The following ZNF217 variants were observed in gnomAD, a reference collection of about 807,000 sequenced individuals.
ZNF217 encodes zinc finger protein 217.
A neutral mutation model predicts 73.3 loss-of-function variants in ZNF217; 12 were observed. The observed-to-expected ratio is 0.16, with a 90% CI of 0.10 to 0.27. ZNF217 has a LOEUF of 0.27. Among genes scored for constraint, ZNF217 ranks in the 10% least tolerant of loss-of-function variants. The pLI is 1.00. For synonymous variants in ZNF217, 588 were observed against 516.4 expected (o/e 1.14, Z -1.88); for missense variants, 1,195 against 1,327.8 (o/e 0.90, Z 1.55).
rs1371665499 is a variant in ZNF217 at position 53,567,822 on chromosome 20, T to C, written c.*1466A>G. On this transcript the variant is annotated 3_prime_UTR_variant, in exon 6 of 6. Coordinates refer to ENST00000371471, the MANE Select transcript of ZNF217 (RefSeq NM_006526.3). Reference sequence around the variant, plus strand: ...CTTCTATCAAGGAGGACATCTTACGTTGCATAATTTAAAAAAAAAAAATTT... The same window carrying C: ...CTTCTATCAAGGAGGACATCTTACGCTGCATAATTTAAAAAAAAAAAATTT... 1.3e-5 allele frequency: 2 copies of C among 152,482 alleles called. No homozygotes were observed. Among genetic ancestry groups the C allele is most frequent in the African/African-American group, 4.8e-5 (2 of 41,402 alleles). The allele number at this position is 152,482 out of a possible 1,614,324, so 9.4% of individuals were successfully genotyped here.
At chr20:53,595,212 C>A (rs1989021154), upstream of ZNF217, among the ~76,000 whole-genome samples, 1 of 152,074 alleles carries the variant, frequency 6.6e-6, no homozygotes, top group Non-Finnish European at 1.5e-5. Context: ...CTTCGAGGAA[C>A]CATAGACATA....
At chr20:53,596,878 T>C (rs189314161), upstream of ZNF217, among the ~76,000 whole-genome samples, 306 of 152,128 alleles carry the variant, frequency 2.0e-3, 1 homozygote, top group Middle Eastern at 0.01. Flanking sequence ...TCACCTTCTT[T>C]CAATGCAGCA....
intron 1 of ZNF217, among the ~76,000 whole-genome samples, chr20:53,589,210 T>A (rs935504998): frequency 6.6e-6 from 1 of 152,210 alleles, no homozygotes; most frequent in Non-Finnish European, 1.5e-5. Context: ...CTATAGGAAG[T>A]ACAGTCATGT....
At position 53,577,072 on chromosome 20, in the gene ZNF217, G is replaced by A. The variant is rs1988309379; in HGVS notation, c.1692C>T (p.Ala564=). The A allele has an allele frequency of 1.1e-5, 18 of 1,614,092 alleles. No individual in the cohort carries two copies. Among genetic ancestry groups the A allele is most frequent in the Non-Finnish European group, 1.2e-5 (14 of 1,179,992 alleles). ...CAGGTGGACTGCCTGTAACATCTTTGGCACCATCAAAAAATCTTTTCAAAT... is the reference window on the plus strand; with the variant it reads ...CAGGTGGACTGCCTGTAACATCTTTAGCACCATCAAAAAATCTTTTCAAAT... ...TKNLKRFFDG[A]KDVTGSPPAK... The change falls in exon 4 of 6, where the codon GCC becomes GCT. Residue 564 remains alanine (A), a synonymous_variant. Transcript: ENST00000371471.
chr20:53,573,933 T>TGGC (rs1410497414), intron 4 of ZNF217, among the ~76,000 whole-genome samples: 1 of 151,978 alleles, frequency 6.6e-6, no homozygotes, highest in Admixed American at 6.6e-5. Flanking sequence ...TAGGCTGGCG[T>TGGC]GGCGGTGGGT....
intron 5 of ZNF217, among the ~76,000 whole-genome samples, chr20:53,571,520 T>G (rs1437141575): frequency 6.6e-6 from 1 of 150,898 alleles, no homozygotes; most frequent in Non-Finnish European, 1.5e-5. Flanking sequence ...TTTTCCTGCT[T>G]CAGCCTCCTA....
chr20:53,591,790 G>A (rs1482523882), intron 1 of ZNF217, among the ~76,000 whole-genome samples: 1 of 152,112 alleles, frequency 6.6e-6, no homozygotes, highest in East Asian at 1.9e-4. Flanking sequence ...GACACATCAA[G>A]GCTTTTAGAA....
rs757730974 is a variant in ZNF217 at position 53,571,748 on chromosome 20, G to GT, written c.3142dup (p.Thr1048AsnfsTer5). ...TTTTTCCCCCTAATTAGTGAATCAA[G>GT]TTTTTTTGTCATTTGGTCGATAATG... On this transcript the variant is annotated frameshift_variant, in exon 5 of 6. Transcript: ENST00000371471. LOFTEE classifies it high-confidence loss of function. 13 of 1,607,872 alleles carry GT rather than the reference G, an allele frequency of 8.1e-6. 1 individual carries two copies. Among genetic ancestry groups the GT allele is most frequent in the East Asian group, 6.7e-5 (3 of 44,624 alleles).
In ZNF217 at chr20:53,576,155, T is replaced by C. The variant is rs141544587; in HGVS notation, c.2609A>G (p.Gln870Arg). 73 of 1,614,142 alleles carry C rather than the reference T, an allele frequency of 4.5e-5. No homozygotes were observed. The highest frequency in any genetic ancestry group is 5.6e-5 in the Non-Finnish European group (66 of 1,180,048). ...KLKPLPVAPS[Q>R]PTLGSSNING... is the part of the protein sequence containing the mutation. ...GATGTTACTGCTGCCGAGGGTGGGC[T>C]GAGAAGGAGCTACTGGAAGAGGTTT... The change falls in exon 4 of 6, where the codon CAG becomes CGG. Residue 870 changes from glutamine (Q) to arginine (R), a missense_variant. Gln to Arg is a conservative substitution (Grantham distance 43, BLOSUM62 1). Coordinates refer to ENST00000371471, the MANE Select transcript of ZNF217 (RefSeq NM_006526.3).
At position 53,576,575 on chromosome 20, in the gene ZNF217, C is replaced by G; in HGVS notation, c.2189G>C (p.Arg730Thr). Residue 730 changes from arginine to threonine, a missense_variant, in exon 4 of 6, where the codon AGA becomes ACA. By Grantham distance (71) the Arg-to-Thr change is moderately conservative. Transcript: ENST00000371471. ...FYPEVLMMHQ[R>T]LEHKYNPDVH... Reference sequence around the variant, plus strand: ...GTCAGGATTGTATTTATGCTCCAGTCTCTGGTGCATCATTAAAACTTCTGG... The same window carrying G: ...GTCAGGATTGTATTTATGCTCCAGTGTCTGGTGCATCATTAAAACTTCTGG... 1 of 1,614,194 alleles carries G rather than the reference C, an allele frequency of 6.2e-7. No individual in the cohort carries two copies. Among genetic ancestry groups the G allele is most frequent in the Non-Finnish European group, 8.5e-7 (1 of 1,180,022 alleles).
At chr20:53,593,672 G>C (rs1392082059) in intron 1 of ZNF217, 84 bp downstream of exon 1, 1 of 150,994 alleles carries the variant, frequency 6.6e-6, no homozygotes, top group African/African-American at 2.4e-5. Flanking sequence ...AACGAGAGCC[G>C]GGCGCCTCGG....
intron 5 of ZNF217, among the ~76,000 whole-genome samples, chr20:53,571,379 G>A (rs530447766): frequency 1.9e-4 from 28 of 146,006 alleles, no homozygotes; most frequent in Non-Finnish European, 3.1e-4. Flanking sequence ...GTTTATTTCC[G>A]ATCAAGTAAA....
intron 1 of ZNF217, among the ~76,000 whole-genome samples, chr20:53,585,095 GAAAAAAAAAAA>G (rs748460021): frequency 2.1e-5 from 1 of 46,960 alleles, no homozygotes; most frequent in Non-Finnish European, 4.1e-5. Context: ...GTGAGAATTT[GAAAAAAAAAAA>G]AAAAAAAAAA....
rs1987793779 is a variant in ZNF217 at position 53,567,469 on chromosome 20, T to C, written c.*1819A>G. The stretch of plus-strand genomic sequence containing the variant: ...ACTTGTTTTCAAATAGATTTGGTGA[T>C]TCTTTTTTTTAAATACAGGTTTAAA... On this transcript the variant is annotated 3_prime_UTR_variant, in exon 6 of 6. Coordinates refer to ENST00000371471, the MANE Select transcript of ZNF217 (RefSeq NM_006526.3). 6.6e-6 allele frequency: 1 copy of C among 152,018 alleles called. No homozygotes were observed. The highest frequency in any genetic ancestry group is 1.5e-5 in the Non-Finnish European group (1 of 68,030). 9.4% of individuals were successfully genotyped at this position (152,018 alleles called of 1,614,324 possible).
upstream of ZNF217, among the ~76,000 whole-genome samples, chr20:53,594,541 C>A (rs1989004755): frequency 6.6e-6 from 1 of 151,634 alleles, no homozygotes; most frequent in Non-Finnish European, 1.5e-5. Flanking sequence ...GCCGTGCCAC[C>A]CTCCCCGCGC....
rs766069828 is a variant in ZNF217, at chr20:53,582,740, G to A, written c.87C>T (p.Gly29=). Residue 29 remains glycine (G), a synonymous_variant, in exon 2 of 6, where the codon GGC becomes GGT. Transcript: ENST00000371471. The surrounding 1 kb of genome is among the most constrained non-coding windows in gnomAD (Gnocchi z 4.8). ...DGPEVIGSSL[G]SPMEMEDALS... ...AGGCATCCTCCATCTCCATCGGACT[G>A]CCAAGAGAGCTGCCAATCACTTCTG... is the stretch of plus-strand genomic sequence containing the variant. The A allele has an allele frequency of 2.5e-6, 4 of 1,614,018 alleles. No homozygotes were observed. The East Asian group carries it at 6.7e-5, about 27-fold the overall frequency.
intron 5 of ZNF217, among the ~76,000 whole-genome samples, chr20:53,569,889 G>A (rs983354088): frequency 1.3e-5 from 2 of 152,182 alleles, no homozygotes; most frequent in Non-Finnish European, 2.9e-5. Context: ...GAGCCCAGGA[G>A]TTTGAGGCTG....
At chr20:53,571,174 T>A (rs1015132008) in intron 5 of ZNF217, among the ~76,000 whole-genome samples, 6 of 152,158 alleles carry the variant, frequency 3.9e-5, no homozygotes, top group Non-Finnish European at 7.4e-5. Context: ...CAGAATTAAA[T>A]GAGATCCTGA....
chr20:53,573,125 A>AC (rs1988087797), intron 4 of ZNF217, among the ~76,000 whole-genome samples: 1 of 141,172 alleles, frequency 7.1e-6, no homozygotes, highest in Admixed American at 7.1e-5. Context: ...CTGTAGTACT[A>AC]TTTTTTTTTT....
Sources: allele counts gnomAD v4.1 joint callset (sites outside exome capture counted in the v4.1 genomes callset), GRCh38; gene constraint gnomAD v4.1.1; non-coding constraint Gnocchi (gnomAD v3.1); transcripts MANE v1.5; gene names NCBI Gene and HGNC (gene_info 2026-07-23, HGNC 2026-07-21).